SURF1: variants seen among roughly 807,000 people sequenced by gnomAD.
SURF1 encodes surfeit locus protein 1.
In SURF1, 45 loss-of-function variants were observed where a neutral mutation model predicts 34.1. That is an observed-to-expected ratio of 1.32 (90% CI 1.04 to 1.69). The LOEUF is 1.69. SURF1 is among the 40% of genes most tolerant of loss of function. SURF1 has a pLI of 0.00. For synonymous variants in SURF1, 188 were observed against 147.5 expected, an observed-to-expected ratio of 1.27 and a Z score of -1.99; for missense variants, 456 against 384.6, an observed-to-expected ratio of 1.19 and a Z score of -1.55.
At position 133,354,879 on chromosome 9, in the gene SURF1, AG is replaced by A; in HGVS notation, c.184del (p.Leu62PhefsTer10). 4 of 1,614,056 alleles carry A rather than the reference AG, an allele frequency of 2.5e-6. No homozygotes were observed. The highest frequency in any genetic ancestry group is 3.4e-6 in the Non-Finnish European group (4 of 1,180,030). ...SATKAEDDSF[L>X]QWVLLLIPVT... ...AGGGATGAGGAGCAGGACCCACTGAAGAAAGGAGTCATCTTCCGCTTTTGTG... is the reference window on the plus strand; with the variant it reads ...AGGGATGAGGAGCAGGACCCACTGAAAAAGGAGTCATCTTCCGCTTTTGTG... On this transcript the variant is annotated frameshift_variant, in exon 3 of 9. Transcript: ENST00000371974. LOFTEE classifies it high-confidence loss of function.
rs2130020349 is a variant in SURF1, at chr9:133,355,006, G to A, written c.107-49C>T. On this transcript the variant is annotated intron_variant, in intron 2 of 8. Coordinates refer to ENST00000371974, the MANE Select transcript of SURF1 (RefSeq NM_003172.4). ...ATGGAGCCAGAAGCCCTCGAACACA[G>A]ACCTGGAGCAGCCCGTTCCAAGACA... 4 of 1,608,344 alleles carry A rather than the reference G, an allele frequency of 2.5e-6. No individual in the cohort carries two copies. The South Asian group carries it at 4.4e-5, about 18-fold the overall frequency.
chr9:133,355,309 G>A (rs917408276), intron 2 of SURF1, among the ~76,000 whole-genome samples: 1 of 152,140 alleles, frequency 6.6e-6, no homozygotes, highest in African/African-American at 2.4e-5. Flanking sequence ...GGCCGGGCAC[G>A]GTGGCTCACG....
chr9:133,356,469 G>A lies in SURF1; in HGVS notation c.-16C>T, dbSNP rs2130027197. The A allele has an allele frequency of 2.1e-6, 3 of 1,423,026 alleles. No homozygotes were observed. The highest frequency in any genetic ancestry group is 1.5e-5 in the African/African-American group (1 of 66,976). 88.1% of individuals were successfully genotyped at this position (1,423,026 alleles called of 1,614,324 possible). ...CCGCCGCCATCGCACCCGGCCCCGC[G>A]GGCGCTTCCGGGACGCAGGAAGCAT... On this transcript the variant is annotated 5_prime_UTR_variant, in exon 1 of 9. Transcript: ENST00000371974.
chr9:133,352,299 G>A (rs1836441399), intron 7 of SURF1, 147 bp downstream of exon 7: 4 of 1,435,208 alleles, frequency 2.8e-6, no homozygotes, highest in Non-Finnish European at 3.9e-6. Context: ...ACTTGCCTAG[G>A]TTCTTTGCTG....
At position 133,356,446 on chromosome 9, in the gene SURF1, G is replaced by C. The variant is rs966145163; in HGVS notation, c.8C>G (p.Ala3Gly). The C allele has an allele frequency of 5.6e-6, 8 of 1,417,332 alleles. No individual in the cohort carries two copies. In the African/African-American group the frequency reaches 6.0e-5, roughly 11 times the overall value. 87.8% of individuals were successfully genotyped at this position (1,417,332 alleles called of 1,614,324 possible). A position where few individuals can be genotyped will look rare whatever the true frequency, so the allele number is the denominator to read the frequency against. MA[A>G]VAALQLGLRA... ...CAGCCCCAGCTGCAACGCAGCCACCGCCGCCATCGCACCCGGCCCCGCGGG... is the reference window on the plus strand; with the variant it reads ...CAGCCCCAGCTGCAACGCAGCCACCCCCGCCATCGCACCCGGCCCCGCGGG... Residue 3 changes from alanine (A) to glycine (G), a missense_variant, in exon 1 of 9, where the codon GCG (alanine) becomes GGG (glycine). Transcript: ENST00000371974.
chr9:133,352,217 T>C (rs976610856), intron 7 of SURF1, 75 bp from the exon 8 acceptor site: 15 of 1,480,174 alleles, frequency 1.0e-5, no homozygotes, highest in Non-Finnish European at 1.3e-5. Context: ...TGGCTGTCAT[T>C]TTTGCGTGGC....
intron 2 of SURF1, among the ~76,000 whole-genome samples, chr9:133,355,892 T>C (rs1564350904): frequency 6.6e-6 from 1 of 151,976 alleles, no homozygotes; most frequent in East Asian, 1.9e-4. Context: ...AACAGCCCTG[T>C]GCTGCACACT....
At position 133,356,473 on chromosome 9, in the gene SURF1, G is replaced by A. The variant is rs2130027240; in HGVS notation, c.-20C>T. On this transcript the variant is annotated 5_prime_UTR_variant, in exon 1 of 9. Transcript: ENST00000371974. ...CGCCATCGCACCCGGCCCCGCGGGC[G>A]CTTCCGGGACGCAGGAAGCATCTGC... is the stretch of plus-strand genomic sequence containing the variant. 7.0e-7 allele frequency: 1 copy of A among 1,424,188 alleles called. No homozygotes were observed. Among genetic ancestry groups the A allele is most frequent in the Non-Finnish European group, 9.2e-7 (1 of 1,091,990 alleles). 88.2% of individuals were successfully genotyped at this position (1,424,188 alleles called of 1,614,324 possible). A position where few individuals can be genotyped will look rare whatever the true frequency, so the allele number is the denominator to read the frequency against.
Position 133,354,097 on chromosome 9 carries a change from G to A in SURF1, c.324-157C>T, listed in dbSNP as rs1047076666. 1.8e-5 allele frequency: 14 copies of A among 793,818 alleles called. No homozygotes were observed. In the African/African-American group the frequency reaches 2.4e-4, roughly 13 times the overall value. 49.2% of individuals were successfully genotyped at this position (793,818 alleles called of 1,614,324 possible). A position where few individuals can be genotyped will look rare whatever the true frequency, so the allele number is the denominator to read the frequency against. ...GAACTTTGATGCCATGTGGGAATGT[G>A]GATCTGCACTGCCAGAGTCCAACTT... On this transcript the variant is annotated intron_variant, in intron 4 of 8. Transcript: ENST00000371974.
chr9:133,352,693 C>G lies in SURF1; in HGVS notation c.588+1G>C. 6.2e-7 allele frequency: 1 copy of G among 1,613,648 alleles called. No individual in the cohort carries two copies. The highest frequency in any genetic ancestry group is 8.5e-7 in the Non-Finnish European group (1 of 1,179,854). ...AAGTAGGAAGAGTCCATGTCCCTTA[C>G]CTGGCCTTTCTGCCGGGTTTCAGGA... On this transcript the variant is annotated splice_donor_variant, in intron 6 of 8. Transcript: ENST00000371974. LOFTEE classifies it high-confidence loss of function.
chr9:133,354,559 C>T, intron 4 of SURF1, 100 bp downstream of exon 4: 1 of 1,417,232 alleles, frequency 7.1e-7, no homozygotes, highest in Non-Finnish European at 1.0e-6. Flanking sequence ...AAGGCAGTGA[C>T]TAAAAGTCCC....
chr9:133,353,348 TCCCAAATAG>T (rs1317368300), intron 5 of SURF1, among the ~76,000 whole-genome samples: 2 of 152,112 alleles, frequency 1.3e-5, no homozygotes. Flanking sequence ...ATCTCTTAAC[TCCCAAATAG>T]CCCTCTAGGG....
At position 133,356,428 on chromosome 9, in the gene SURF1, A is replaced by G; in HGVS notation, c.26T>C (p.Leu9Pro). The G allele has an allele frequency of 7.1e-7, 1 of 1,400,446 alleles. No homozygotes were observed. Among genetic ancestry groups the G allele is most frequent in the Non-Finnish European group, 9.3e-7 (1 of 1,077,134 alleles). The allele number at this position is 1,400,446 out of a possible 1,614,324, so 86.8% of individuals were successfully genotyped here. Residue 9 changes from leucine to proline, a missense_variant, in exon 1 of 9, where the codon CTG becomes CCG. By Grantham distance (98) the Leu-to-Pro change is moderately conservative. Transcript: ENST00000371974. ...TCCCAGCCCCGCCGCCCGCAGCCCCAGCTGCAACGCAGCCACCGCCGCCAT... is the reference window on the plus strand; with the variant it reads ...TCCCAGCCCCGCCGCCCGCAGCCCCGGCTGCAACGCAGCCACCGCCGCCAT... MAAVAALQ[L>P]GLRAAGLGRA...
At chr9:133,355,015 C>T (rs1275159957) in intron 2 of SURF1, 58 bp from the exon 3 acceptor site, 2 of 1,605,182 alleles carry the variant, frequency 1.2e-6, no homozygotes, top group Admixed American at 3.3e-5. Flanking sequence ...AGACCTGGAG[C>T]AGCCCGTTCC....
At chr9:133,353,678 A>T in intron 5 of SURF1, 71 bp downstream of exon 5, 1 of 1,575,628 alleles carries the variant, frequency 6.3e-7, no homozygotes, top group Non-Finnish European at 8.7e-7. Context: ...ATTGTGAAGG[A>T]AATAGTGATG....
intron 5 of SURF1, 133 bp from the exon 6 acceptor site, chr9:133,352,899 G>T: frequency 1.9e-6 from 2 of 1,036,770 alleles, no homozygotes; most frequent in Non-Finnish European, 2.9e-6. Context: ...GCTCAGTGGA[G>T]CCCTGGCAGT....
At chr9:133,356,366 G>GC in intron 1 of SURF1, 34 bp downstream of exon 1, 3 of 1,343,376 alleles carry the variant, frequency 2.2e-6, no homozygotes, top group Non-Finnish European at 2.9e-6. Context: ...CCCTCCCCGC[G>GC]CCCCGCACCC....
At chr9:133,353,586 G>A (rs987014951) in intron 5 of SURF1, among the ~76,000 whole-genome samples, 163 bp downstream of exon 5, 1 of 152,246 alleles carries the variant, frequency 6.6e-6, no homozygotes, top group Non-Finnish European at 1.5e-5. Context: ...TTAAGTCAAT[G>A]TCACAATTAG....
intron 4 of SURF1, 195 bp from the exon 5 acceptor site, chr9:133,354,135 T>A: frequency 1.5e-6 from 1 of 678,030 alleles, no homozygotes; most frequent in Non-Finnish European, 2.6e-6. Flanking sequence ...CAAGAGAGGC[T>A]AAAAATCTGG....
Sources: allele counts gnomAD v4.1 joint callset (sites outside exome capture counted in the v4.1 genomes callset), GRCh38; gene constraint gnomAD v4.1.1; transcripts MANE v1.5; gene names NCBI Gene and HGNC (gene_info 2026-07-23, HGNC 2026-07-21).